Variants in C8orf34 observed in about 807,000 individuals in gnomAD.
C8orf34 encodes the protein uncharacterized protein C8orf34.
In C8orf34, 65 loss-of-function variants were observed where a neutral mutation model predicts 68.3. That is an observed-to-expected ratio of 0.95 (90% CI 0.78 to 1.17). C8orf34 has a LOEUF of 1.17. Ranked by LOEUF, C8orf34 falls within the 50% of genes most tolerant of loss-of-function variation. The pLI is 0.00. For synonymous variants in C8orf34, 244 were observed against 241.2 expected, an observed-to-expected ratio of 1.01 and a Z score of -0.11; for missense variants, 664 against 655.4, an observed-to-expected ratio of 1.01 and a Z score of -0.14.
intron 8 of C8orf34, among the ~76,000 whole-genome samples, chr8:68,689,712 A>G (rs1192496659): frequency 6.6e-6 from 1 of 152,008 alleles, no homozygotes; most frequent in Non-Finnish European, 1.5e-5. Context: ...AGAAAATAAG[A>G]ACAAAGCTGG....
intron 10 of C8orf34, among the ~76,000 whole-genome samples, chr8:68,721,738 G>A (rs1821683915): frequency 6.6e-6 from 1 of 151,920 alleles, no homozygotes; most frequent in Non-Finnish European, 1.5e-5. Flanking sequence ...TATCCTGAAA[G>A]TTTATATGTG....
chr8:68,795,979 T>G (rs1824167216), intron 12 of C8orf34, among the ~76,000 whole-genome samples: 1 of 152,150 alleles, frequency 6.6e-6, no homozygotes, highest in African/African-American at 2.4e-5. Flanking sequence ...TAAGGCAGCT[T>G]CCATATAAGT....
chr8:68,578,437 C>A (rs1403038516), intron 7 of C8orf34, among the ~76,000 whole-genome samples: 10 of 151,872 alleles, frequency 6.6e-5, no homozygotes, highest in Non-Finnish European at 1.5e-4. Context: ...GTTCCTCTGG[C>A]AAAATACACA....
intron 1 of C8orf34, among the ~76,000 whole-genome samples, chr8:68,377,328 G>T (rs1478158990): frequency 6.6e-6 from 1 of 152,112 alleles, no homozygotes; most frequent in Non-Finnish European, 1.5e-5. Flanking sequence ...AGCCCAGGAC[G>T]TTGAGGCTGC....
chr8:68,577,546 AAG>A (rs770061024), intron 7 of C8orf34, among the ~76,000 whole-genome samples: 33 of 152,020 alleles, frequency 2.2e-4, no homozygotes, highest in Admixed American at 5.3e-4. Context: ...CATTATTAAA[AAG>A]AGAATGAATG....
chr8:68,797,507 T>C (rs1173446080), intron 12 of C8orf34, among the ~76,000 whole-genome samples: 6 of 151,844 alleles, frequency 4.0e-5, no homozygotes, highest in African/African-American at 1.5e-4. Context: ...CCATATTCCA[T>C]TGGCCACCCA....
At chr8:68,368,674 G>A (rs1342375095) in intron 1 of C8orf34, among the ~76,000 whole-genome samples, 1 of 152,076 alleles carries the variant, frequency 6.6e-6, no homozygotes, top group Non-Finnish European at 1.5e-5. Flanking sequence ...TAAAAGTTGA[G>A]TCCAGTAATA....
chr8:68,458,152 A>T (rs1362858602), intron 3 of C8orf34, among the ~76,000 whole-genome samples: 1 of 152,218 alleles, frequency 6.6e-6, no homozygotes, highest in Non-Finnish European at 1.5e-5. Context: ...CTACAAAAAC[A>T]TCAAAAGAAA....
intron 7 of C8orf34, among the ~76,000 whole-genome samples, chr8:68,540,068 A>C (rs1486509852): frequency 6.6e-6 from 1 of 152,066 alleles, no homozygotes; most frequent in Non-Finnish European, 1.5e-5. Context: ...AAATCTTATG[A>C]TTTTTCTTTT....
chr8:68,752,679 C>T (rs183647520), intron 10 of C8orf34, among the ~76,000 whole-genome samples: 272 of 152,212 alleles, frequency 1.8e-3, no homozygotes, highest in Middle Eastern at 0.017. Context: ...GTTGTGGATG[C>T]GCAGTGGAAG....
chr8:68,468,674 C>G lies in C8orf34; in HGVS notation c.608-18C>G, dbSNP rs1428755730. ...TTATGTAGCATGCTTATGAAATTAC[C>G]ATTTTTTTTAAACATAGTGCCAAGG... is the stretch of plus-strand genomic sequence containing the variant. On this transcript the variant is annotated intron_variant, in intron 3 of 13. Transcript: ENST00000518698. 6.2e-7 allele frequency: 1 copy of G among 1,606,454 alleles called. No homozygotes were observed. The highest frequency in any genetic ancestry group is 1.3e-5 in the African/African-American group (1 of 74,436).
At chr8:68,521,380 G>A (rs749667852) in intron 5 of C8orf34, among the ~76,000 whole-genome samples, 3 of 152,060 alleles carry the variant, frequency 2.0e-5, no homozygotes, top group Admixed American at 6.6e-5. Flanking sequence ...TACACCCTTC[G>A]AGCCCTATCT....
intron 10 of C8orf34, among the ~76,000 whole-genome samples, chr8:68,752,386 T>C (rs1443861704): frequency 6.6e-6 from 1 of 152,192 alleles, no homozygotes; most frequent in Non-Finnish European, 1.5e-5. Context: ...TTGACCTGGT[T>C]CTACTGTGCT....
At chr8:68,567,299 C>T (rs1451854015) in intron 7 of C8orf34, among the ~76,000 whole-genome samples, 2 of 152,034 alleles carry the variant, frequency 1.3e-5, no homozygotes, top group Non-Finnish European at 2.9e-5. Flanking sequence ...CCATTTCAAT[C>T]TCACTGCTTG....
At chr8:68,513,161 G>A (rs1382850689) in intron 5 of C8orf34, among the ~76,000 whole-genome samples, 1 of 152,092 alleles carries the variant, frequency 6.6e-6, no homozygotes, top group Non-Finnish European at 1.5e-5. Context: ...AACCTTTAAG[G>A]CTGTTTTTAT....
At chr8:68,741,539 C>CTAG (rs898756103) in intron 10 of C8orf34, among the ~76,000 whole-genome samples, 1 of 152,144 alleles carries the variant, frequency 6.6e-6, no homozygotes, top group Non-Finnish European at 1.5e-5. Flanking sequence ...CCCTGTTGTG[C>CTAG]TAGCAAATAC....
intron 7 of C8orf34, among the ~76,000 whole-genome samples, chr8:68,587,885 A>C (rs975697918): frequency 1.3e-5 from 2 of 152,120 alleles, no homozygotes; most frequent in African/African-American, 4.8e-5. Context: ...ATGTGAATGC[A>C]GATGTGAATG....
At chr8:68,579,237 C>T (rs184460830) in intron 7 of C8orf34, among the ~76,000 whole-genome samples, 2 of 151,976 alleles carry the variant, frequency 1.3e-5, no homozygotes, top group African/African-American at 4.8e-5. Context: ...TTCTAAAAGA[C>T]CTTTATCAAA....
intron 8 of C8orf34, among the ~76,000 whole-genome samples, chr8:68,700,252 G>C (rs756408335): frequency 3.3e-5 from 5 of 152,126 alleles, no homozygotes; most frequent in Non-Finnish European, 4.4e-5. Context: ...AAGATTTGGG[G>C]AGGTAGAGCT....
Sources: allele counts gnomAD v4.1 joint callset (sites outside exome capture counted in the v4.1 genomes callset), GRCh38; gene constraint gnomAD v4.1.1; transcripts MANE v1.5; gene names NCBI Gene and HGNC (gene_info 2026-07-23, HGNC 2026-07-21).